MGAT4C: variants seen among roughly 807,000 people sequenced by gnomAD.
The protein encoded by MGAT4C is MGAT4 family member C, also known as alpha-1,3-mannosyl-glycoprotein 4-beta-N-acetylglucosaminyltransferase C.
MGAT4C carries 19 observed loss-of-function variants against 40.1 expected under a neutral mutation model. The ratio of observed to expected loss-of-function variants is 0.47; its 90% CI spans 0.33 to 0.70. The LOEUF (loss-of-function observed/expected upper bound fraction) is 0.70. Among genes scored for constraint, MGAT4C ranks in the 30% least tolerant of loss-of-function variants. MGAT4C has a pLI of 0.02. For missense variants in MGAT4C, 491 were observed against 563.2 expected (o/e 0.87, Z 1.30); for synonymous variants, 181 against 187.1 (o/e 0.97, Z 0.27).
chr12:85,999,643 A>T (rs1470696422), intron 2 of MGAT4C, among the ~76,000 whole-genome samples: 1 of 151,762 alleles, frequency 6.6e-6, no homozygotes, highest in Non-Finnish European at 1.5e-5. Context: ...GCCATAAAAT[A>T]GAATGAATAC....
intron 1 of MGAT4C, among the ~76,000 whole-genome samples, chr12:86,157,181 A>G (rs1474561177): frequency 6.6e-6 from 1 of 152,044 alleles, no homozygotes; most frequent in Non-Finnish European, 1.5e-5. Context: ...ATACATTTAT[A>G]ATTTTTTTTA....
intron 1 of MGAT4C, among the ~76,000 whole-genome samples, chr12:86,731,099 C>A (rs577126207): frequency 6.6e-6 from 1 of 151,908 alleles, no homozygotes; most frequent in Admixed American, 6.6e-5. Flanking sequence ...TCAAAATAAC[C>A]CATTTGTATA....
At chr12:86,803,486 A>G (rs964390591) in intron 1 of MGAT4C, among the ~76,000 whole-genome samples, 1 of 152,096 alleles carries the variant, frequency 6.6e-6, no homozygotes, top group Non-Finnish European at 1.5e-5. Flanking sequence ...GCAACCTACA[A>G]CATGGAAGAA....
chr12:86,725,772 CT>C (rs1301922795), intron 2 of MGAT4C, among the ~76,000 whole-genome samples: 6 of 152,066 alleles, frequency 3.9e-5, no homozygotes, highest in Non-Finnish European at 8.8e-5. Context: ...CCAGCGCCCC[CT>C]TTTTATTTTG....
At chr12:86,570,251 T>C (rs778180525) in intron 2 of MGAT4C, among the ~76,000 whole-genome samples, 1 of 152,162 alleles carries the variant, frequency 6.6e-6, no homozygotes, top group Admixed American at 6.5e-5. Flanking sequence ...TAGCTTTAGG[T>C]CATTTGACAA....
intron 2 of MGAT4C, among the ~76,000 whole-genome samples, chr12:86,677,757 G>C (rs1949894035): frequency 6.6e-6 from 1 of 151,490 alleles, no homozygotes; most frequent in Non-Finnish European, 1.5e-5. Flanking sequence ...TGAGGGAAAT[G>C]TTGGTCAAAT....
chr12:86,443,161 T>C (rs921179892), intron 2 of MGAT4C, among the ~76,000 whole-genome samples: 2 of 151,958 alleles, frequency 1.3e-5, no homozygotes, highest in African/African-American at 4.8e-5. Context: ...TGAAGTATAT[T>C]TATATTTCCA....
intron 2 of MGAT4C, among the ~76,000 whole-genome samples, chr12:86,508,345 G>T (rs1261365203): frequency 6.6e-6 from 1 of 152,118 alleles, no homozygotes; most frequent in African/African-American, 2.4e-5. Context: ...TACTGAGAAT[G>T]ATGATTTCCA....
chr12:86,451,888 T>C (rs534673644), intron 2 of MGAT4C, among the ~76,000 whole-genome samples: 145 of 152,270 alleles, frequency 9.5e-4, no homozygotes, highest in African/African-American at 3.3e-3. Flanking sequence ...CTGTTGAAAC[T>C]TTCAATATTC....
intron 1 of MGAT4C, among the ~76,000 whole-genome samples, chr12:86,080,269 C>A (rs993722960): frequency 1.3e-5 from 2 of 152,118 alleles, no homozygotes; most frequent in South Asian, 4.1e-4. Flanking sequence ...AATATATTTC[C>A]TGTGTCTGGG....
chr12:86,491,452 C>G (rs1288819065), intron 2 of MGAT4C, among the ~76,000 whole-genome samples: 3 of 152,088 alleles, frequency 2.0e-5, no homozygotes, highest in Admixed American at 6.6e-5. Flanking sequence ...CCACCAAGAT[C>G]AAGTGGGCTT....
chr12:86,013,278 G>A (rs1888699779), intron 2 of MGAT4C, among the ~76,000 whole-genome samples: 1 of 151,964 alleles, frequency 6.6e-6, no homozygotes, highest in African/African-American at 2.4e-5. Context: ...TTTGGAGACG[G>A]AGTCTTGCTC....
At chr12:86,498,171 A>G (rs1447642426) in intron 2 of MGAT4C, among the ~76,000 whole-genome samples, 5 of 150,842 alleles carry the variant, frequency 3.3e-5, no homozygotes, top group African/African-American at 4.9e-5. Context: ...GTTTTTCCCT[A>G]CTTTTCTCAT....
intron 4 of MGAT4C, among the ~76,000 whole-genome samples, chr12:86,284,368 G>A (rs1375341868): frequency 6.6e-6 from 1 of 151,700 alleles, no homozygotes; most frequent in East Asian, 1.9e-4. Flanking sequence ...TCCTCGCAAA[G>A]CTTCTCTGGA....
Position 86,493,391 on chromosome 12 carries a change from C to T in MGAT4C, c.-228-58126G>A, listed in dbSNP as rs546152845. The stretch of plus-strand genomic sequence containing the variant: ...TATTCACAATAGCAAAGACTTGGAA[C>T]CAACCCAAATGTCCAACAATGATAG... On this transcript the variant is annotated intron_variant, in intron 2 of 7. Coordinates refer to the MGAT4C transcript ENST00000548651. Among the ~76,000 whole-genome samples, 7 of 152,110 alleles carry T rather than the reference C, an allele frequency of 4.6e-5. No homozygotes were observed. In the East Asian group the frequency reaches 1.4e-3, roughly 29 times the overall value.
chr12:86,707,276 TG>T (rs1950474809), intron 2 of MGAT4C, among the ~76,000 whole-genome samples: 1 of 152,180 alleles, frequency 6.6e-6, no homozygotes, highest in African/African-American at 2.4e-5. Context: ...CAGGAAAATG[TG>T]GGAAAGTTTG....
intron 2 of MGAT4C, among the ~76,000 whole-genome samples, chr12:86,479,710 C>T (rs77480205): frequency 2.8e-4 from 43 of 151,866 alleles, no homozygotes; most frequent in African/African-American, 6.0e-4. Flanking sequence ...TCTTTGTAAG[C>T]GAAATGACTT....
At chr12:86,162,499 G>A (rs183194824) in intron 1 of MGAT4C, among the ~76,000 whole-genome samples, 1 of 152,216 alleles carries the variant, frequency 6.6e-6, no homozygotes, top group East Asian at 1.9e-4. Flanking sequence ...ACTAGAGGGT[G>A]GAGGGGGAGT....
At chr12:86,576,995 A>G (rs1354216932) in intron 2 of MGAT4C, among the ~76,000 whole-genome samples, 1 of 151,526 alleles carries the variant, frequency 6.6e-6, no homozygotes, top group Non-Finnish European at 1.5e-5. Flanking sequence ...TCTTTATTTC[A>G]TCAGTGTTTT....
Sources: allele counts gnomAD v4.1 joint callset (sites outside exome capture counted in the v4.1 genomes callset), GRCh38; gene constraint gnomAD v4.1.1; transcripts MANE v1.5; gene names NCBI Gene and HGNC (gene_info 2026-07-23, HGNC 2026-07-21).